Variants in NUDT3 observed in about 807,000 individuals in gnomAD.
NUDT3 encodes the protein nudix hydrolase 3.
In NUDT3, 9 loss-of-function variants were observed where a neutral mutation model predicts 23.6. The ratio of observed to expected loss-of-function variants is 0.38; its 90% CI spans 0.23 to 0.66. NUDT3 has a LOEUF of 0.66. NUDT3 is among the 30% of genes least tolerant of loss of function. The pLI is 0.52. For synonymous variants in NUDT3, 86 were observed against 82.6 expected (o/e 1.04, Z -0.22); for missense variants, 172 against 218.5 (o/e 0.79, Z 1.34).
chr6:34,359,520 A>C (rs564342310), intron 1 of NUDT3, among the ~76,000 whole-genome samples: 12 of 152,252 alleles, frequency 7.9e-5, no homozygotes, highest in Admixed American at 1.3e-4. Flanking sequence ...GGAAGCATAC[A>C]ATAAATATGT....
At chr6:34,321,085 A>T (rs918569786) in intron 2 of NUDT3, among the ~76,000 whole-genome samples, 2 of 152,136 alleles carry the variant, frequency 1.3e-5, no homozygotes, top group African/African-American at 4.8e-5. Flanking sequence ...CCTGGAAAGC[A>T]GTTAGAATGA....
intron 2 of NUDT3, among the ~76,000 whole-genome samples, chr6:34,303,197 A>ATTTTTTTTTT (rs55915428): frequency 1.3e-5 from 1 of 74,552 alleles, no homozygotes; most frequent in Non-Finnish European, 2.5e-5. Flanking sequence ...ATACCTGGCA[A>ATTTTTTTTTT]TTTTTTTTTT....
At chr6:34,374,680 A>G (rs1419220749) in intron 1 of NUDT3, among the ~76,000 whole-genome samples, 1 of 152,032 alleles carries the variant, frequency 6.6e-6, no homozygotes, top group Non-Finnish European at 1.5e-5. Flanking sequence ...GCATTCGGAG[A>G]GGGTTCTTTT....
rs376718850 is a variant in NUDT3 at position 34,380,154 on chromosome 6, G to C, written c.99+12110C>G. Among the ~76,000 whole-genome samples the C allele has an allele frequency of 2.8e-3, 425 of 151,970 alleles. 4 individuals are homozygous for C. The highest frequency in any genetic ancestry group is 0.015 in the East Asian group (75 of 5,166). On this transcript the variant is annotated intron_variant, in intron 1 of 4. Transcript: ENST00000607016. ...ACTGGAGTGCAACAGCGCGATCTCG[G>C]CTCACTGCAACTTCCACCTCCCGAG...
chr6:34,388,490 C>A (rs1765145953), intron 1 of NUDT3, among the ~76,000 whole-genome samples: 1 of 152,128 alleles, frequency 6.6e-6, no homozygotes, highest in African/African-American at 2.4e-5. Flanking sequence ...TGGAATTTTA[C>A]ATTCCCACAA....
rs543453220 is a variant in NUDT3, at chr6:34,310,331, A to G, written c.211-14646T>C. 3.3e-5 allele frequency among the ~76,000 whole-genome samples: 5 copies of G among 152,196 alleles called. No homozygotes were observed. The East Asian group carries it at 7.8e-4, about 24-fold the overall frequency. The stretch of plus-strand genomic sequence containing the variant: ...GATCACTTGAGGTCATGAGTTCAGG[A>G]CCAGCCTGGCCAACACAGTGAAACC... On this transcript the variant is annotated intron_variant, in intron 2 of 4. Transcript: ENST00000607016.
chr6:34,335,107 T>G (rs1414591175), intron 2 of NUDT3, among the ~76,000 whole-genome samples: 1 of 152,098 alleles, frequency 6.6e-6, no homozygotes, highest in African/African-American at 2.4e-5. Context: ...AAATACAGAC[T>G]GCAATGGAAA....
rs1361940410 is a variant in NUDT3 at position 34,282,310 on chromosome 6, ACAGGCT to A, written c.*6437_*6442del. ...ATTCAGCACCAAAGTGCTCAGAAAGACAGGCTCAGATCAGGACGACTTCTTAAAGGG... is the reference window on the plus strand; with the variant it reads ...ATTCAGCACCAAAGTGCTCAGAAAGACAGATCAGGACGACTTCTTAAAGGG... On this transcript the variant is annotated 3_prime_UTR_variant, in exon 5 of 5. Coordinates refer to ENST00000607016, the MANE Select transcript of NUDT3 (RefSeq NM_006703.4). 6.6e-6 allele frequency: 1 copy of A among 152,194 alleles called. No individual in the cohort carries two copies. Among genetic ancestry groups the A allele is most frequent in the African/African-American group, 2.4e-5 (1 of 41,452 alleles). The allele number at this position is 152,194 out of a possible 1,614,324, so 9.4% of individuals were successfully genotyped here.
intron 2 of NUDT3, among the ~76,000 whole-genome samples, chr6:34,314,026 G>A (rs1763820284): frequency 6.6e-6 from 1 of 152,072 alleles, no homozygotes; most frequent in South Asian, 2.1e-4. Context: ...GAACCCAGGA[G>A]GCGGAGGATG....
At chr6:34,334,504 T>C (rs1477655352) in intron 2 of NUDT3, among the ~76,000 whole-genome samples, 1 of 151,930 alleles carries the variant, frequency 6.6e-6, no homozygotes, top group Non-Finnish European at 1.5e-5. Flanking sequence ...CCGGGCATGG[T>C]AGTGCACACC....
rs192561956 is a variant in NUDT3, at chr6:34,356,780, T to G, written c.100-14808A>C. 6.6e-3 allele frequency among the ~76,000 whole-genome samples: 990 copies of G among 150,354 alleles called. 12 individuals are homozygous for G. The highest frequency in any genetic ancestry group is 0.023 in the African/African-American group (921 of 40,148). The stretch of plus-strand genomic sequence containing the variant: ...AGGTATAATTATGGAATTGTGGGGG[T>G]TTTTTTTGTTTTCTTTTGACGGAGT... On this transcript the variant is annotated intron_variant, in intron 1 of 4. Transcript: ENST00000607016.
chr6:34,301,161 G>C (rs1215992019), intron 2 of NUDT3, among the ~76,000 whole-genome samples: 1 of 125,558 alleles, frequency 8.0e-6, no homozygotes, highest in Non-Finnish European at 1.9e-5. Context: ...TTTACTTGTA[G>C]ATCTAATCTA....
chr6:34,361,747 CAAAG>C (rs1292078686), intron 1 of NUDT3, among the ~76,000 whole-genome samples: 1 of 152,074 alleles, frequency 6.6e-6, no homozygotes, highest in Non-Finnish European at 1.5e-5. Context: ...ATTACTAAAT[CAAAG>C]AAGCCAACAT....
chr6:34,350,466 G>C (rs563676253), intron 1 of NUDT3, among the ~76,000 whole-genome samples: 4 of 150,952 alleles, frequency 2.6e-5, no homozygotes, highest in Non-Finnish European at 5.9e-5. Flanking sequence ...TTGGATTCCA[G>C]ATAAATGGAC....
At chr6:34,376,712 C>A (rs1391241294) in intron 1 of NUDT3, among the ~76,000 whole-genome samples, 3 of 152,164 alleles carry the variant, frequency 2.0e-5, no homozygotes, top group Non-Finnish European at 4.4e-5. Context: ...CAATCATTCC[C>A]TCTGGTAGCC....
At position 34,285,260 on chromosome 6, in the gene NUDT3, C is replaced by T. The variant is rs1371985066; in HGVS notation, c.*3493G>A. The T allele has an allele frequency of 6.6e-6, 1 of 152,202 alleles. No individual in the cohort carries two copies. Among genetic ancestry groups the T allele is most frequent in the African/African-American group, 2.4e-5 (1 of 41,448 alleles). 9.4% of individuals were successfully genotyped at this position (152,202 alleles called of 1,614,324 possible). ...TATGGGCTGCACTGTTTCTGGAAGA[C>T]TACAGAAAATCTAACATGGTTGACA... On this transcript the variant is annotated 3_prime_UTR_variant, in exon 5 of 5. Coordinates refer to ENST00000607016, the MANE Select transcript of NUDT3 (RefSeq NM_006703.4).
chr6:34,303,864 C>T (rs1401493967), intron 2 of NUDT3, among the ~76,000 whole-genome samples: 2 of 152,204 alleles, frequency 1.3e-5, no homozygotes, highest in Admixed American at 1.3e-4. Context: ...TTGTCTACGG[C>T]TGCTTTCACA....
Position 34,281,815 on chromosome 6 carries a change from G to T in NUDT3, c.*6938C>A, listed in dbSNP as rs184041505. The T allele has an allele frequency of 2.6e-5, 4 of 152,302 alleles. No individual in the cohort carries two copies. The highest frequency in any genetic ancestry group is 9.6e-5 in the African/African-American group (4 of 41,570). 9.4% of individuals were successfully genotyped at this position (152,302 alleles called of 1,614,324 possible). ...GGAGAGTCCTCTTAGAAAATTCTGA[G>T]CAAACATGCTCCCAGTCACGAGGGA... is the stretch of plus-strand genomic sequence containing the variant. On this transcript the variant is annotated 3_prime_UTR_variant, in exon 5 of 5. Transcript: ENST00000607016.
At position 34,392,430 on chromosome 6, in the gene NUDT3, G is replaced by A. The variant is rs1354488591; in HGVS notation, c.-68C>T. 4 of 1,232,338 alleles carry A rather than the reference G, an allele frequency of 3.2e-6. No homozygotes were observed. In the African/African-American group the frequency reaches 4.7e-5, roughly 14 times the overall value. The allele number at this position is 1,232,338 out of a possible 1,614,324, so 76.3% of individuals were successfully genotyped here. A position where few individuals can be genotyped will look rare whatever the true frequency, so the allele number is the denominator to read the frequency against. ...GAGGGGTGGGGAGCCCGCTCTGGAC[G>A]GCCGCGTGCGCGCGCGCCCCCGGCT... On this transcript the variant is annotated 5_prime_UTR_variant, in exon 1 of 5. Transcript: ENST00000607016.
Sources: gnomAD v4.1 joint callset for allele counts (sites outside exome capture counted in the v4.1 genomes callset) on GRCh38, gnomAD v4.1.1 for gene constraint, MANE v1.5 for transcripts, NCBI Gene and HGNC (gene_info 2026-07-23, HGNC 2026-07-21) for gene names.